The following KAT6B variants were observed in gnomAD, a reference collection of about 807,000 sequenced individuals.
KAT6B encodes the protein lysine acetyltransferase 6B, also known as histone acetyltransferase KAT6B.
A neutral mutation model predicts 187.5 loss-of-function variants in KAT6B; 10 were observed. The ratio of observed to expected loss-of-function variants is 0.05; its 90% CI spans 0.03 to 0.09. The LOEUF is 0.09. Ranked by LOEUF, KAT6B falls within the 10% of genes least tolerant of loss-of-function variation. The pLI, the probability that KAT6B is intolerant of heterozygous loss-of-function variation, is 1.00. For missense variants in KAT6B, 1,952 were observed against 2,558.9 expected, an observed-to-expected ratio of 0.76 and a Z score of 5.12; for synonymous variants, 861 against 926.8, an observed-to-expected ratio of 0.93 and a Z score of 1.29.
chr10:74,849,174 T>C (rs1842308659), intron 3 of KAT6B, among the ~76,000 whole-genome samples: 1 of 151,980 alleles, frequency 6.6e-6, no homozygotes, highest in Non-Finnish European at 1.5e-5. Context: ...AGAGATGGGG[T>C]TTCATTAATG....
chr10:75,000,997 G>A (rs2133967043), intron 13 of KAT6B, among the ~76,000 whole-genome samples: 1 of 152,246 alleles, frequency 6.6e-6, no homozygotes, highest in East Asian at 1.9e-4. Flanking sequence ...TGTCTTCAGT[G>A]TGGTTTGCAG....
At chr10:74,943,833 A>G (rs960823976) in intron 3 of KAT6B, among the ~76,000 whole-genome samples, 4 of 152,236 alleles carry the variant, frequency 2.6e-5, no homozygotes, top group African/African-American at 9.6e-5. Context: ...ATTGGTAGGA[A>G]AATGGAAAGG....
In KAT6B at chr10:75,031,854, A is replaced by G. The variant is rs1846338067; in HGVS notation, c.*808A>G. ...TCTGTCAGGTTTTGAAACATTTCATATATGTCCAAATACTTGGCAGGATTT... is the reference window on the plus strand; with the variant it reads ...TCTGTCAGGTTTTGAAACATTTCATGTATGTCCAAATACTTGGCAGGATTT... On this transcript the variant is annotated 3_prime_UTR_variant, in exon 18 of 18. Coordinates refer to ENST00000287239, the MANE Select transcript of KAT6B (RefSeq NM_012330.4). 5.0e-6 allele frequency: 1 copy of G among 199,392 alleles called. No homozygotes were observed. The highest frequency in any genetic ancestry group is 1.0e-5 in the Non-Finnish European group (1 of 96,442). 12.4% of individuals were successfully genotyped at this position (199,392 alleles called of 1,614,324 possible).
chr10:75,028,063 G>C lies in KAT6B; in HGVS notation c.3665-426G>C, dbSNP rs1589839022. ...AACAGAGGTTTACTTTCTCTAGGTAGATATGAGAGTTAAGGCTTCTAGTCA... is the reference window on the plus strand; with the variant it reads ...AACAGAGGTTTACTTTCTCTAGGTACATATGAGAGTTAAGGCTTCTAGTCA... On this transcript the variant is annotated intron_variant, in intron 17 of 17. Coordinates refer to ENST00000287239, the MANE Select transcript of KAT6B (RefSeq NM_012330.4). 1.3e-5 allele frequency among the ~76,000 whole-genome samples: 2 copies of C among 152,296 alleles called. 1 individual carries two copies. The highest frequency in any genetic ancestry group is 4.1e-4 in the South Asian group (2 of 4,828).
Position 75,029,138 on chromosome 10 carries a change from A to G in KAT6B, c.4314A>G (p.Glu1438=). ...ATGACAGCCACATGGAGTCTGCCGA[A>G]GTGGAGAAGGAAGAGCTGCCCAGAG... ...DEDDSHMESA[E]VEKEELPRES... Residue 1438 remains glutamate, a synonymous_variant, in exon 18 of 18, where the codon GAA becomes GAG. Transcript: ENST00000287239. The surrounding 1 kb of genome is among the most constrained non-coding windows in gnomAD (Gnocchi z 6.2). 6.2e-7 allele frequency: 1 copy of G among 1,614,160 alleles called. No homozygotes were observed. The highest frequency in any genetic ancestry group is 8.5e-7 in the Non-Finnish European group (1 of 1,180,018).
At position 74,844,248 on chromosome 10, in the gene KAT6B, G is replaced by A. The variant is rs1728707819; in HGVS notation, c.621+770G>A. ...AGTTTTGCTCTTGTTGCCCAGGCTGGAGTGCAGTGGCACAATCTCGGCTCA... is the reference window on the plus strand; with the variant it reads ...AGTTTTGCTCTTGTTGCCCAGGCTGAAGTGCAGTGGCACAATCTCGGCTCA... On this transcript the variant is annotated intron_variant, in intron 3 of 17. Transcript: ENST00000287239. Among the ~76,000 whole-genome samples, 3 of 151,568 alleles carry A rather than the reference G, an allele frequency of 2.0e-5. No homozygotes were observed. The South Asian group carries it at 6.2e-4, about 32-fold the overall frequency.
chr10:74,833,023 T>C (rs1589435291), intron 1 of KAT6B, among the ~76,000 whole-genome samples: 2 of 149,094 alleles, frequency 1.3e-5, no homozygotes, highest in East Asian at 4.0e-4. Flanking sequence ...TAATCCCAGC[T>C]ACTCAGAAGG....
chr10:74,837,445 A>G (rs1390394280), intron 1 of KAT6B, among the ~76,000 whole-genome samples: 1 of 152,216 alleles, frequency 6.6e-6, no homozygotes. Context: ...TAGAAAAAAA[A>G]TGAAAAGAGA....
chr10:75,005,401 A>G (rs1056547993), intron 13 of KAT6B, among the ~76,000 whole-genome samples: 13 of 151,568 alleles, frequency 8.6e-5, no homozygotes, highest in Admixed American at 7.2e-4. Flanking sequence ...TATTTTTAGT[A>G]GAGACAGGGT....
At chr10:74,914,993 G>A (rs1050883892) in intron 3 of KAT6B, among the ~76,000 whole-genome samples, 3 of 152,022 alleles carry the variant, frequency 2.0e-5, no homozygotes, top group Non-Finnish European at 4.4e-5. Flanking sequence ...CCAGCTACTC[G>A]GGATGCTGAG....
intron 4 of KAT6B, among the ~76,000 whole-genome samples, chr10:74,969,250 AC>A: frequency 6.6e-6 from 1 of 152,300 alleles, no homozygotes; most frequent in Non-Finnish European, 1.5e-5. Flanking sequence ...TTCATCACAC[AC>A]AGAGAGCAGG....
intron 3 of KAT6B, among the ~76,000 whole-genome samples, chr10:74,869,885 T>A (rs1843791988): frequency 6.6e-6 from 1 of 152,194 alleles, no homozygotes; most frequent in Non-Finnish European, 1.5e-5. Context: ...GGACAGATTT[T>A]CACCAAACTT....
chr10:75,004,027 T>C (rs777216719), intron 13 of KAT6B, among the ~76,000 whole-genome samples: 3 of 152,148 alleles, frequency 2.0e-5, no homozygotes, highest in Non-Finnish European at 2.9e-5. Flanking sequence ...GCTCAGAATT[T>C]TTTCAAGTTT....
chr10:74,921,772 T>G (rs1848153519), intron 3 of KAT6B, among the ~76,000 whole-genome samples: 1 of 152,240 alleles, frequency 6.6e-6, no homozygotes, highest in Non-Finnish European at 1.5e-5. Context: ...GGTTGTCAGA[T>G]TGACCTGATT....
intron 3 of KAT6B, among the ~76,000 whole-genome samples, chr10:74,900,687 G>A (rs1846318348): frequency 1.3e-5 from 2 of 152,254 alleles, no homozygotes; most frequent in African/African-American, 4.8e-5. Context: ...GAGGTTCCCA[G>A]ATGAAAGGGG....
intron 10 of KAT6B, among the ~76,000 whole-genome samples, chr10:74,980,228 C>T (rs1411790470): frequency 6.6e-6 from 1 of 152,072 alleles, no homozygotes; most frequent in East Asian, 1.9e-4. Context: ...TCAAGATTAG[C>T]CTGTGAACGA....
At chr10:74,969,802 C>T (rs369586077) in intron 5 of KAT6B, 27 bp downstream of exon 5, 2 of 1,463,074 alleles carry the variant, frequency 1.4e-6, no homozygotes, top group African/African-American at 1.4e-5. Flanking sequence ...TAATCCGCCT[C>T]CAGGTAACTC....
At position 75,029,005 on chromosome 10, in the gene KAT6B, A is replaced by G; in HGVS notation, c.4181A>G (p.Glu1394Gly). The change falls in exon 18 of 18, where the codon GAA (glutamate) becomes GGA (glycine). Residue 1394 changes from glutamate to glycine, a missense_variant. Physicochemically the swap from Glu to Gly is moderately conservative, Grantham distance 98. Transcript: ENST00000287239. This position sits in a 1 kb window ranked among gnomAD's most constrained non-coding sequence, Gnocchi z 6.2. ...AAAAGCCAAGAAAAAGAGGAACCAG[A>G]AATCTCCACGGAAAAAGAAGACTCT... ...GAKSQEKEEP[E>G]ISTEKEDSAR... 6.2e-7 allele frequency: 1 copy of G among 1,614,140 alleles called. No individual in the cohort carries two copies. The highest frequency in any genetic ancestry group is 8.5e-7 in the Non-Finnish European group (1 of 1,180,038).
chr10:74,905,123 G>A (rs1418709952), intron 3 of KAT6B, among the ~76,000 whole-genome samples: 1 of 152,182 alleles, frequency 6.6e-6, no homozygotes, highest in Non-Finnish European at 1.5e-5. Context: ...TAGTCTAAAA[G>A]TGAAGCAATT....
Sources: gnomAD v4.1 joint callset for allele counts (sites outside exome capture counted in the v4.1 genomes callset) on GRCh38, gnomAD v4.1.1 for gene constraint, Gnocchi (gnomAD v3.1) non-coding constraint, MANE v1.5 for transcripts, NCBI Gene and HGNC (gene_info 2026-07-23, HGNC 2026-07-21) for gene names.